FCSK: variants seen among roughly 807,000 people sequenced by gnomAD.
FCSK encodes fucose kinase.
In FCSK, 123 loss-of-function variants were observed where a neutral mutation model predicts 122.5. The ratio of observed to expected loss-of-function variants is 1.00; its 90% confidence interval spans 0.87 to 1.17. The LOEUF (loss-of-function observed/expected upper bound fraction) is 1.17, where lower values mean the gene tolerates loss of function less well. Ranked by LOEUF, FCSK falls within the 50% of genes most tolerant of loss-of-function variation. The pLI is 0.00. For missense variants in FCSK, 1,366 were observed against 1,450.4 expected, an observed-to-expected ratio of 0.94 and a Z score of 0.95; for synonymous variants, 620 against 625.5, an observed-to-expected ratio of 0.99 and a Z score of 0.13.
intron 4 of FCSK, among the ~76,000 whole-genome samples, chr16:70,465,456 C>T (rs541035780): frequency 1.3e-5 from 2 of 151,226 alleles, no homozygotes; most frequent in East Asian, 2.0e-4. Flanking sequence ...CCCAGGAGAT[C>T]GAGACCAGCC....
rs941609489 is a variant in FCSK, at chr16:70,475,085, C to T, written c.2377+74C>T. On this transcript the variant is annotated intron_variant, in intron 18 of 23. Transcript: ENST00000288078. ...CGGGGCAGAAGCTAGAGACTGCAGGCCAGTGGGGTCTGGCCTGAGGGCCAG... is the reference window on the plus strand; with the variant it reads ...CGGGGCAGAAGCTAGAGACTGCAGGTCAGTGGGGTCTGGCCTGAGGGCCAG... The T allele has an allele frequency of 4.3e-6, 6 of 1,384,030 alleles. No homozygotes were observed. In the African/African-American group the frequency reaches 7.1e-5, roughly 16 times the overall value. The allele number at this position is 1,384,030 out of a possible 1,614,324, so 85.7% of individuals were successfully genotyped here. A position where few individuals can be genotyped will look rare whatever the true frequency, so the allele number is the denominator to read the frequency against.
chr16:70,474,957 A>T lies in FCSK; in HGVS notation c.2323A>T (p.Ile775Leu). 1 of 1,611,572 alleles carries T rather than the reference A, an allele frequency of 6.2e-7. No individual in the cohort carries two copies. The highest frequency in any genetic ancestry group is 8.5e-7 in the Non-Finnish European group (1 of 1,179,300). The change falls in exon 18 of 24, where the codon ATA (isoleucine) becomes TTA (leucine). Residue 775 changes from isoleucine to leucine, a missense_variant. Ile to Leu is a conservative substitution (Grantham distance 5). Transcript: ENST00000288078. The stretch of plus-strand genomic sequence containing the variant: ...TCGGCAGGATGAGATGACTGTGAAG[A>T]TAGTGTGCCGGTGCCTGGCTGACCT... ...GPRQDEMTVK[I>L]VCRCLADLRD... is the part of the protein sequence containing the mutation.
chr16:70,472,883 AG>A, intron 14 of FCSK, 99 bp from the exon 15 acceptor site: 1 of 1,397,490 alleles, frequency 7.2e-7, no homozygotes, highest in Non-Finnish European at 9.6e-7. Context: ...ACCTCGGAGG[AG>A]TCTGTCCTGT....
rs375662017 is a variant in FCSK, at chr16:70,474,096, C to T, written c.1778-33C>T. 147 of 1,542,250 alleles carry T rather than the reference C, an allele frequency of 9.5e-5. 1 individual carries two copies. In the African/African-American group the frequency reaches 1.8e-3, roughly 19 times the overall value. ...AAAGAGGATTTTGAAGACAGGCCTC[C>T]TCCCCTGCCACCCCCAACTCCTTGT... On this transcript the variant is annotated intron_variant, in intron 15 of 23. Coordinates refer to ENST00000288078, the MANE Select transcript of FCSK (RefSeq NM_145059.3).
intron 20 of FCSK, 29 bp downstream of exon 20, chr16:70,475,796 G>A: frequency 6.5e-7 from 1 of 1,530,744 alleles, no homozygotes; most frequent in South Asian, 1.2e-5. Flanking sequence ...GTTGGAGGAG[G>A]TCACTGACAC....
At chr16:70,462,944 C>T (rs895096834) in intron 1 of FCSK, among the ~76,000 whole-genome samples, 4 of 152,128 alleles carry the variant, frequency 2.6e-5, no homozygotes, top group Admixed American at 6.6e-5. Flanking sequence ...TGCACCCGGC[C>T]GACATTTTCT....
chr16:70,456,144 C>T (rs1455158031), intron 1 of FCSK, among the ~76,000 whole-genome samples: 1 of 152,190 alleles, frequency 6.6e-6, no homozygotes, highest in Admixed American at 6.5e-5. Flanking sequence ...TGCGTTCCGC[C>T]CTCTGGTGAC....
chr16:70,478,804 C>A, intron 22 of FCSK, 154 bp downstream of exon 22: 1 of 733,522 alleles, frequency 1.4e-6, no homozygotes, highest in South Asian at 1.5e-5. Flanking sequence ...CAGGGTCTCA[C>A]ATTTAGGGGA....
rs971101597 is a variant in FCSK at position 70,473,973 on chromosome 16, G to C, written c.1778-156G>C. ...GACGAGATGATCTCTGCCAGGCAGA[G>C]AGCAGGAGTGCAGTTACAGTCAAAG... On this transcript the variant is annotated intron_variant, in intron 15 of 23. Transcript: ENST00000288078. The surrounding 1 kb of genome is among the most constrained non-coding windows in gnomAD (Gnocchi z 4.9). 3.3e-5 allele frequency among the ~76,000 whole-genome samples: 5 copies of C among 152,224 alleles called. No homozygotes were observed. The highest frequency in any genetic ancestry group is 5.9e-5 in the Non-Finnish European group (4 of 68,034).
Position 70,474,128 on chromosome 16 carries a change from G to C in FCSK, c.1778-1G>C. The C allele has an allele frequency of 6.5e-7, 1 of 1,549,370 alleles. No individual in the cohort carries two copies. Among genetic ancestry groups the C allele is most frequent in the African/African-American group, 1.4e-5 (1 of 73,112 alleles). On this transcript the variant is annotated splice_acceptor_variant, in intron 15 of 23. Transcript: ENST00000288078. LOFTEE classifies it high-confidence loss of function. The stretch of plus-strand genomic sequence containing the variant: ...GCCACCCCCAACTCCTTGTCCCTCA[G>C]TTGCAGCTGGGGCAGGAGACCCTGG...
At chr16:70,470,139 G>A (rs1336623633) in intron 10 of FCSK, among the ~76,000 whole-genome samples, 175 bp from the exon 11 acceptor site, 6 of 152,176 alleles carry the variant, frequency 3.9e-5, no homozygotes, top group Non-Finnish European at 8.8e-5. Context: ...CACTGTGCCC[G>A]GCCAACCTGT....
At chr16:70,455,753 G>A (rs544861517) in intron 1 of FCSK, among the ~76,000 whole-genome samples, 1 of 152,086 alleles carries the variant, frequency 6.6e-6, no homozygotes, top group South Asian at 2.1e-4. Context: ...TTAGCTGGGC[G>A]TGGTGGTGCA....
Position 70,466,961 on chromosome 16 carries a change from C to T in FCSK, c.484+7C>T. The T allele has an allele frequency of 6.2e-7, 1 of 1,612,700 alleles. No individual in the cohort carries two copies. ...TCTGTTCCTGCAAATCCTGGTGAGCCTGAGACTACCTGGGACTGCCTTCCT... is the reference window on the plus strand; with the variant it reads ...TCTGTTCCTGCAAATCCTGGTGAGCTTGAGACTACCTGGGACTGCCTTCCT... On this transcript the variant is annotated splice_region_variant and intron_variant, in intron 6 of 23. Coordinates refer to ENST00000288078, the MANE Select transcript of FCSK (RefSeq NM_145059.3).
intron 23 of FCSK, 37 bp downstream of exon 23, chr16:70,479,440 G>A: frequency 1.3e-6 from 2 of 1,574,372 alleles, no homozygotes; most frequent in Non-Finnish European, 1.7e-6. Flanking sequence ...GAGACCTCTG[G>A]GGGCAAGAGA....
At chr16:70,475,038 T>C (rs772371697) in intron 18 of FCSK, 27 bp downstream of exon 18, 16 of 1,560,368 alleles carry the variant, frequency 1.0e-5, no homozygotes, top group Non-Finnish European at 1.4e-5. Context: ...CCTCTGCAGG[T>C]GGGGCTGGCC....
intron 8 of FCSK, 68 bp downstream of exon 8, chr16:70,468,034 T>C (rs1461926899): frequency 4.4e-6 from 5 of 1,131,774 alleles, no homozygotes; most frequent in Non-Finnish European, 6.7e-6. Flanking sequence ...GGGTCTGACT[T>C]CCTTCGATTC....
chr16:70,472,727 G>T, intron 14 of FCSK, 122 bp downstream of exon 14: 6 of 880,450 alleles, frequency 6.8e-6, no homozygotes, highest in Non-Finnish European at 1.0e-5. Context: ...AGGGGCCTGG[G>T]TGGTTTTGGG....
intron 11 of FCSK, 51 bp downstream of exon 11, chr16:70,470,477 G>A (rs924861848): frequency 3.5e-6 from 4 of 1,141,600 alleles, no homozygotes; most frequent in Non-Finnish European, 5.2e-6. Context: ...GGGTCAGGTG[G>A]GATGTGGATT....
chr16:70,474,807 C>A lies in FCSK; in HGVS notation c.2173C>A (p.Pro725Thr). ...TGCCATAGGGGGCTGGAGTGACACG[C>A]CACCCCTTGCCTATGAGCTTGGCGG... ...VDFSGGWSDT[P>T]PLAYELGGAV... Residue 725 changes from proline (P) to threonine (T), a missense_variant, in exon 18 of 24, where the codon CCA becomes ACA. Pro to Thr is a conservative substitution (Grantham distance 38). Coordinates refer to ENST00000288078, the MANE Select transcript of FCSK (RefSeq NM_145059.3). 1 of 1,580,340 alleles carries A rather than the reference C, an allele frequency of 6.3e-7. No individual in the cohort carries two copies.
Sources: allele counts gnomAD v4.1 joint callset (sites outside exome capture counted in the v4.1 genomes callset), GRCh38; gene constraint gnomAD v4.1.1; non-coding constraint Gnocchi (gnomAD v3.1); transcripts MANE v1.5; gene names NCBI Gene and HGNC (gene_info 2026-07-23, HGNC 2026-07-21).